HEXD: variants seen among roughly 807,000 people sequenced by gnomAD.
HEXD encodes hexosaminidase D.
In HEXD, 47 loss-of-function variants were observed where a neutral mutation model predicts 54.2. The observed-to-expected ratio is 0.87, with a 90% confidence interval of 0.69 to 1.11. HEXD has a LOEUF of 1.11. Among genes scored for constraint, HEXD ranks in the 50% least tolerant of loss-of-function variants. The probability of loss-of-function intolerance (pLI) is 0.00; values close to 1 mark genes in which losing one functional copy is unlikely to be tolerated. For missense variants in HEXD, 576 were observed against 649.2 expected (o/e 0.89, Z 1.23); for synonymous variants, 293 against 287.6 (o/e 1.02, Z -0.19).
chr17:82,435,579 T>TCCTCCCCACAGGCAGCGGCC, intron 5 of HEXD, 110 bp from the exon 6 acceptor site: 1 of 1,109,168 alleles, frequency 9.0e-7, no homozygotes. Flanking sequence ...CTCCCTGGCC[T>TCCTCCCCACAGGCAGCGGCC]CCTCCCCACA....
chr17:82,439,840 G>GTC lies in HEXD; in HGVS notation c.982+130_982+131dup, dbSNP rs1196068171. The GTC allele has an allele frequency of 1.9e-6, 3 of 1,563,400 alleles. No individual in the cohort carries two copies. In the African/African-American group the frequency reaches 4.0e-5, roughly 21 times the overall value. On this transcript the variant is annotated intron_variant, in intron 9 of 12. Transcript: ENST00000327949. ...TGGTGGTCCTCACAGTCGGAGGATGGTCTCACCGCCCCAGCTCAGCCACCC... is the reference window on the plus strand; with the variant it reads ...TGGTGGTCCTCACAGTCGGAGGATGGTCTCTCACCGCCCCAGCTCAGCCACCC...
At chr17:82,422,372 C>A (rs2053260768) in intron 2 of HEXD, among the ~76,000 whole-genome samples, 1 of 151,882 alleles carries the variant, frequency 6.6e-6, no homozygotes, top group African/African-American at 2.4e-5. Flanking sequence ...CGGCTCACAA[C>A]TGTAATCCCA....
chr17:82,422,363 G>A (rs182299743), intron 2 of HEXD, among the ~76,000 whole-genome samples: 135 of 151,874 alleles, frequency 8.9e-4, no homozygotes, highest in Non-Finnish European at 1.4e-3. Flanking sequence ...CAGGCTCAGC[G>A]GCTCACAACT....
intron 9 of HEXD, 150 bp from the exon 10 acceptor site, chr17:82,440,847 T>C (rs2053920567): frequency 9.7e-6 from 8 of 825,904 alleles, no homozygotes; most frequent in South Asian, 6.2e-5. Context: ...CCAGGTCCCC[T>C]TGGGGCCGGC....
chr17:82,439,809 G>A (rs777075604), intron 9 of HEXD, 96 bp downstream of exon 9: 63 of 1,592,844 alleles, frequency 4.0e-5, no homozygotes, highest in Non-Finnish European at 5.2e-5. Context: ...CCACCCTGCT[G>A]GACTGTGGTG....
In HEXD at chr17:82,418,613, G is replaced by C; in HGVS notation, c.-179G>C. 1 of 371,350 alleles carries C rather than the reference G, an allele frequency of 2.7e-6. No individual in the cohort carries two copies. 23.0% of individuals were successfully genotyped at this position (371,350 alleles called of 1,614,324 possible). On this transcript the variant is annotated 5_prime_UTR_variant, in exon 1 of 13. Transcript: ENST00000327949. The stretch of plus-strand genomic sequence containing the variant: ...CGACGCGCTCGGCCATCGGCCCCTG[G>C]GCTGGCGGCCAGGCCCGAGCAATCG...
At position 82,418,380 on chromosome 17, in the gene HEXD, G is replaced by C. The variant is rs1438515028; in HGVS notation, c.-412G>C. 5.0e-6 allele frequency: 7 copies of C among 1,403,534 alleles called. No individual in the cohort carries two copies. The highest frequency in any genetic ancestry group is 2.5e-4 in the Middle Eastern group (1 of 4,074). 86.9% of individuals were successfully genotyped at this position (1,403,534 alleles called of 1,614,324 possible). A position where few individuals can be genotyped will look rare whatever the true frequency, so the allele number is the denominator to read the frequency against. ...CCACTCCATGGCCCTGTCCGCCGCC[G>C]CAGCGCGCGCCCTTCCCCTCCTCAC... is the stretch of plus-strand genomic sequence containing the variant. On this transcript the variant is annotated 5_prime_UTR_variant, in exon 1 of 13. Coordinates refer to ENST00000327949, the MANE Select transcript of HEXD (RefSeq NM_001330542.2).
At chr17:82,421,478 A>G (rs2053234131) in intron 2 of HEXD, among the ~76,000 whole-genome samples, 1 of 152,192 alleles carries the variant, frequency 6.6e-6, no homozygotes, top group African/African-American at 2.4e-5. Flanking sequence ...GCAGTAGAGG[A>G]GGGGGCCTTG....
Position 82,435,753 on chromosome 17 carries a change from G to A in HEXD, c.512G>A (p.Gly171Glu). 2 of 1,613,014 alleles carry A rather than the reference G, an allele frequency of 1.2e-6. No individual in the cohort carries two copies. The highest frequency in any genetic ancestry group is 1.7e-6 in the Non-Finnish European group (2 of 1,179,900). The change falls in exon 6 of 13, where the codon GGG becomes GAG. Residue 171 changes from glycine (G) to glutamate (E), a missense_variant. Transcript: ENST00000327949. ...CTACAGCAAGAGCAGAACAGCACGG[G>A]GAAGTTGTGCCTGTCACACATGCGG... ...RWLQQEQNST[G>E]KLCLSHMRAV...
intron 2 of HEXD, among the ~76,000 whole-genome samples, chr17:82,422,646 A>G (rs1352895656): frequency 2.6e-5 from 4 of 152,256 alleles, no homozygotes; most frequent in Non-Finnish European, 5.9e-5. Context: ...ACACCATGGA[A>G]AGTGCAGTAT....
chr17:82,428,986 G>A (rs2053500041), intron 4 of HEXD, among the ~76,000 whole-genome samples: 1 of 152,180 alleles, frequency 6.6e-6, no homozygotes, highest in Non-Finnish European at 1.5e-5. Flanking sequence ...GCCAGGTGCG[G>A]TGGCTCACAC....
intron 4 of HEXD, among the ~76,000 whole-genome samples, chr17:82,433,077 G>GAA (rs71168108): frequency 0.013 from 104 of 7,822 alleles, 10 homozygotes; most frequent in African/African-American, 0.015. Flanking sequence ...AAAAAAAAAA[G>GAA]AAAAAAAAAA....
Position 82,435,796 on chromosome 17 carries a change from G to C in HEXD, c.555G>C (p.Val185=). 2 of 1,612,764 alleles carry C rather than the reference G, an allele frequency of 1.2e-6. No homozygotes were observed. Among genetic ancestry groups the C allele is most frequent in the South Asian group, 2.2e-5 (2 of 91,070 alleles). ...ACATGCGGGCGGTGGCCAGCGGCGT[G>C]AAGGCCCGGCGCCCCAGCGTGACAC... ...LSHMRAVASG[V]KARRPSVTPL... The change falls in exon 6 of 13, where the codon GTG becomes GTC. Residue 185 remains valine (V), a synonymous_variant. Coordinates refer to ENST00000327949, the MANE Select transcript of HEXD (RefSeq NM_001330542.2).
rs143528102 is a variant in HEXD, at chr17:82,432,119, C to A, written c.283-1539C>A. Among the ~76,000 whole-genome samples the A allele has an allele frequency of 4.7e-4, 72 of 152,312 alleles. 1 individual carries two copies. Among genetic ancestry groups the A allele is most frequent in the African/African-American group, 1.7e-3 (69 of 41,566 alleles). ...GGTTTGGGCAGAGGTTGTGCTCCCA[C>A]ACCTTGAGCCCACAGACCTCCTCCC... On this transcript the variant is annotated intron_variant, in intron 4 of 12. Transcript: ENST00000327949.
At chr17:82,436,799 G>A in intron 7 of HEXD, 61 bp downstream of exon 7, 1 of 1,492,542 alleles carries the variant, frequency 6.7e-7, no homozygotes, top group Non-Finnish European at 9.2e-7. Flanking sequence ...GGCCATCCCT[G>A]GCCCTGTGAC....
chr17:82,441,367 GGCAGGT>G lies in HEXD; in HGVS notation c.1163+109_1163+114del, dbSNP rs1178947531. ...GGGTGGGAGGCAGGTGCGGGTGAGGGGCAGGTGCAGGTGAGCGGGCAGGCATGGGGC... is the reference window on the plus strand; with the variant it reads ...GGGTGGGAGGCAGGTGCGGGTGAGGGGCAGGTGAGCGGGCAGGCATGGGGC... On this transcript the variant is annotated intron_variant, in intron 11 of 12. Coordinates refer to ENST00000327949, the MANE Select transcript of HEXD (RefSeq NM_001330542.2). 4.0e-3 allele frequency: 5,325 copies of G among 1,339,950 alleles called. 48 individuals are homozygous for G. The highest frequency in any genetic ancestry group is 0.017 in the Middle Eastern group (63 of 3,728). The allele number at this position is 1,339,950 out of a possible 1,614,324, so 83.0% of individuals were successfully genotyped here. A position where few individuals can be genotyped will look rare whatever the true frequency, so the allele number is the denominator to read the frequency against.
intron 6 of HEXD, 48 bp downstream of exon 6, chr17:82,435,920 G>C: frequency 6.4e-7 from 1 of 1,551,146 alleles, no homozygotes; most frequent in Non-Finnish European, 8.7e-7. Flanking sequence ...AACTGCCCAA[G>C]ACCTGCGGCT....
chr17:82,440,720 G>A (rs1305729794), intron 9 of HEXD: 6 of 492,260 alleles, frequency 1.2e-5, no homozygotes, highest in African/African-American at 3.9e-5. Flanking sequence ...CCAGCAGGAA[G>A]AGCCACTTGC....
intron 4 of HEXD, among the ~76,000 whole-genome samples, chr17:82,431,088 T>C (rs973334677): frequency 6.6e-6 from 1 of 151,770 alleles, no homozygotes; most frequent in African/African-American, 2.4e-5. Flanking sequence ...GCCCTGAGCT[T>C]CTGGGCTCAA....
Sources: gnomAD v4.1 joint callset for allele counts (sites outside exome capture counted in the v4.1 genomes callset) on GRCh38, gnomAD v4.1.1 for gene constraint, MANE v1.5 for transcripts, NCBI Gene and HGNC (gene_info 2026-07-23, HGNC 2026-07-21) for gene names.